Variants in NKAIN2 observed in about 807,000 individuals in gnomAD.
The protein encoded by NKAIN2 is sodium/potassium transporting ATPase interacting 2, also known as sodium/potassium-transporting ATPase subunit beta-1-interacting protein 2.
In NKAIN2, 14 loss-of-function variants were observed where a neutral mutation model predicts 32.6. The observed-to-expected ratio is 0.43, with a 90% confidence interval of 0.28 to 0.67. The LOEUF (loss-of-function observed/expected upper bound fraction) is 0.67. Ranked by LOEUF, NKAIN2 falls within the 30% of genes least tolerant of loss-of-function variation. The pLI is 0.17. For missense variants in NKAIN2, 198 were observed against 258.3 expected, an observed-to-expected ratio of 0.77 and a Z score of 1.60; for synonymous variants, 80 against 87.2, an observed-to-expected ratio of 0.92 and a Z score of 0.46.
intron 1 of NKAIN2, among the ~76,000 whole-genome samples, chr6:123,922,540 C>G (rs552134050): frequency 6.6e-6 from 1 of 152,188 alleles, no homozygotes; most frequent in South Asian, 2.1e-4. Flanking sequence ...TGTTGCTTGC[C>G]TAATTCTAGC....
chr6:124,201,425 G>A (rs1416896646), intron 1 of NKAIN2, among the ~76,000 whole-genome samples: 2 of 152,026 alleles, frequency 1.3e-5, no homozygotes, highest in African/African-American at 4.8e-5. Context: ...ATTCTAATTA[G>A]TGGGAATTCT....
intron 5 of NKAIN2, among the ~76,000 whole-genome samples, chr6:124,812,997 C>T (rs1380620158): frequency 5.4e-5 from 8 of 147,064 alleles, no homozygotes; most frequent in African/African-American, 2.1e-4. Context: ...TATGCCAAGT[C>T]GCATGAAAGA....
chr6:123,870,614 T>C (rs1056839463), intron 1 of NKAIN2, among the ~76,000 whole-genome samples: 1 of 152,214 alleles, frequency 6.6e-6, no homozygotes, highest in Non-Finnish European at 1.5e-5. Context: ...AGTGGAGATA[T>C]ATATTAAACA....
chr6:124,013,805 A>C (rs1425803308), intron 1 of NKAIN2, among the ~76,000 whole-genome samples: 1 of 152,234 alleles, frequency 6.6e-6, no homozygotes, highest in African/African-American at 2.4e-5. Context: ...CAATCACAGA[A>C]AAAGGGTTAG....
intron 3 of NKAIN2, among the ~76,000 whole-genome samples, chr6:124,454,107 G>A (rs200022293): frequency 3.3e-5 from 1 of 30,272 alleles, no homozygotes; most frequent in Non-Finnish European, 1.9e-4. Flanking sequence ...TTTTTTTTTT[G>A]GGGGGGGGGG....
At chr6:124,093,352 C>T (rs1784513870) in intron 1 of NKAIN2, among the ~76,000 whole-genome samples, 1 of 152,090 alleles carries the variant, frequency 6.6e-6, no homozygotes, top group South Asian at 2.1e-4. Context: ...CAAAGCCGCA[C>T]TACCTAGTTT....
chr6:124,469,270 A>G (rs1362873154), intron 3 of NKAIN2, among the ~76,000 whole-genome samples: 2 of 152,208 alleles, frequency 1.3e-5, no homozygotes, highest in Non-Finnish European at 2.9e-5. Context: ...ATGGTGTTAC[A>G]AAGTTATAAC....
chr6:124,021,382 A>ATAAAT (rs1780858160), intron 1 of NKAIN2, among the ~76,000 whole-genome samples: 1 of 152,076 alleles, frequency 6.6e-6, no homozygotes, highest in African/African-American at 2.4e-5. Flanking sequence ...ATGTTAATTA[A>ATAAAT]TAAATTAAGA....
intron 1 of NKAIN2, among the ~76,000 whole-genome samples, chr6:124,074,203 G>A (rs910131576): frequency 2.0e-5 from 3 of 152,142 alleles, no homozygotes; most frequent in African/African-American, 7.2e-5. Context: ...AAGCTCAATA[G>A]TGACTCAGCG....
chr6:124,358,723 G>T (rs550834049), intron 3 of NKAIN2, among the ~76,000 whole-genome samples: 1 of 151,904 alleles, frequency 6.6e-6, no homozygotes, highest in African/African-American at 2.4e-5. Flanking sequence ...GTTGTAGGTT[G>T]CCTGTTCACT....
chr6:124,309,270 A>C (rs986560540), intron 2 of NKAIN2, among the ~76,000 whole-genome samples: 2 of 152,146 alleles, frequency 1.3e-5, no homozygotes, highest in African/African-American at 4.8e-5. Context: ...TTGGTGTAAA[A>C]GACTCAAGCC....
At chr6:124,470,421 A>T (rs1776926615) in intron 3 of NKAIN2, among the ~76,000 whole-genome samples, 1 of 152,178 alleles carries the variant, frequency 6.6e-6, no homozygotes, top group South Asian at 2.1e-4. Flanking sequence ...CTTTCCAATC[A>T]GGTGGCTTTG....
chr6:124,660,076 G>A (rs1784691226), intron 4 of NKAIN2, among the ~76,000 whole-genome samples: 1 of 152,038 alleles, frequency 6.6e-6, no homozygotes. Flanking sequence ...TTTAAATCAA[G>A]TAATCATTAT....
chr6:124,269,067 TTTG>T (rs1248810162), intron 1 of NKAIN2, among the ~76,000 whole-genome samples: 2 of 152,210 alleles, frequency 1.3e-5, no homozygotes, highest in Admixed American at 1.3e-4. Flanking sequence ...GTTGAAATGC[TTTG>T]AATTTTCATG....
At chr6:124,446,241 A>G (rs994168415) in intron 3 of NKAIN2, among the ~76,000 whole-genome samples, 7 of 152,174 alleles carry the variant, frequency 4.6e-5, no homozygotes, top group Admixed American at 1.3e-4. Flanking sequence ...AAATATTTCT[A>G]TTGGTCATGC....
chr6:124,515,289 GA>G (rs1313921812), intron 3 of NKAIN2, among the ~76,000 whole-genome samples: 1 of 152,018 alleles, frequency 6.6e-6, no homozygotes, highest in Non-Finnish European at 1.5e-5. Context: ...TCATAATTCT[GA>G]TGGCCAGAAT....
intron 3 of NKAIN2, among the ~76,000 whole-genome samples, chr6:124,504,928 C>G (rs1467071887): frequency 3.3e-5 from 5 of 152,196 alleles, no homozygotes; most frequent in African/African-American, 1.2e-4. Context: ...GCAGCAGAGG[C>G]AACTGTACTT....
intron 4 of NKAIN2, among the ~76,000 whole-genome samples, chr6:124,709,359 G>T (rs1193377132): frequency 6.6e-6 from 1 of 150,730 alleles, no homozygotes; most frequent in Non-Finnish European, 1.5e-5. Context: ...CTCATAAAAT[G>T]AGTTAGGGAG....
intron 4 of NKAIN2, among the ~76,000 whole-genome samples, chr6:124,764,215 T>C (rs1459160567): frequency 6.6e-6 from 1 of 150,504 alleles, no homozygotes; most frequent in African/African-American, 2.4e-5. Context: ...AATAAAACAT[T>C]TCTCTTTAAA....
Sources: allele counts gnomAD v4.1 joint callset (sites outside exome capture counted in the v4.1 genomes callset), GRCh38; gene constraint gnomAD v4.1.1; transcripts MANE v1.5; gene names NCBI Gene and HGNC (gene_info 2026-07-23, HGNC 2026-07-21).